Variants in EML6 observed in about 807,000 individuals in gnomAD.
The protein encoded by EML6 is echinoderm microtubule-associated protein-like 6.
Under a neutral mutation model 240.1 loss-of-function variants are expected in EML6, and 154 were observed. That is an observed-to-expected ratio of 0.64 (90% CI 0.56 to 0.73). The LOEUF (loss-of-function observed/expected upper bound fraction) is 0.73, where lower values mean the gene tolerates loss of function less well. EML6 is among the 30% of genes least tolerant of loss of function. EML6 has a pLI of 0.00. For synonymous variants in EML6, 1,148 were observed against 899.0 expected (o/e 1.28, Z -4.95); for missense variants, 2,964 against 2,474.6 (o/e 1.20, Z -4.20).
At position 54,811,413 on chromosome 2, in the gene EML6, T is replaced by C. The variant is rs573239984; in HGVS notation, c.198-1819T>C. On this transcript the variant is annotated intron_variant, in intron 2 of 41. Coordinates refer to ENST00000356458, the MANE Select transcript of EML6 (RefSeq NM_001039753.4). Reference sequence around the variant, plus strand: ...GTGAATCCCCTTTGCACCTTGTCTTTCATATGAACTCGTGTCTTCCCTAAT... The same window carrying C: ...GTGAATCCCCTTTGCACCTTGTCTTCCATATGAACTCGTGTCTTCCCTAAT... Among the ~76,000 whole-genome samples the C allele has an allele frequency of 9.7e-4, 147 of 152,326 alleles. 1 individual carries two copies. In the South Asian group the frequency reaches 0.029, roughly 30 times the overall value.
At chr2:54,945,963 A>G (rs1178074182) in intron 28 of EML6, among the ~76,000 whole-genome samples, 2 of 152,188 alleles carry the variant, frequency 1.3e-5, no homozygotes, top group African/African-American at 2.4e-5. Context: ...CTCTCCCCAC[A>G]GGCACTGAAG....
At chr2:54,961,184 G>GTTGTTTTTTTTTTTTGTTTTTTTTTTTTT in intron 35 of EML6, among the ~76,000 whole-genome samples, 1 of 55,424 alleles carries the variant, frequency 1.8e-5, no homozygotes. Flanking sequence ...TCAGGAAGTA[G>GTTGTTTTTTTTTTTTGTTTTTTTTTTTTT]TTTTTTTTTT....
rs762482915 is a variant in EML6 at position 54,849,972 on chromosome 2, G to C, written c.1198G>C (p.Glu400Gln). 6.4e-7 allele frequency: 1 copy of C among 1,551,042 alleles called. No individual in the cohort carries two copies. The highest frequency in any genetic ancestry group is 1.2e-5 in the South Asian group (1 of 84,028). Residue 400 changes from glutamate (E) to glutamine (Q), a missense_variant, in exon 10 of 42, where the codon GAA becomes CAA. Glu to Gln is a conservative substitution (Grantham distance 29, BLOSUM62 2). Transcript: ENST00000356458. Reference sequence around the variant, plus strand: ...TTTTTATTCTTACAGAGATATGACAGAAGTAGTTCACATCAAAGATCGAAA... The same window carrying C: ...TTTTTATTCTTACAGAGATATGACACAAGTAGTTCACATCAAAGATCGAAA... Reference protein sequence around the residue: ...FIVLRVRDMTEVVHIKDRKEV... With the variant: ...FIVLRVRDMTQVVHIKDRKEV...
At chr2:54,787,295 TG>T (rs11329528) in intron 2 of EML6, among the ~76,000 whole-genome samples, 109,768 of 151,334 alleles carry the variant, frequency 0.73, 40,872 homozygotes, top group African/African-American at 0.91. Context: ...GGGTGAGGGT[TG>T]GGGGGGGGTC....
At chr2:54,860,823 C>T (rs1670634277) in intron 12 of EML6, among the ~76,000 whole-genome samples, 1 of 152,102 alleles carries the variant, frequency 6.6e-6, no homozygotes, top group Non-Finnish European at 1.5e-5. Context: ...CATTTCTCCC[C>T]AGATGGGGTT....
intron 11 of EML6, among the ~76,000 whole-genome samples, chr2:54,858,067 T>C (rs1409145171): frequency 6.6e-6 from 1 of 152,184 alleles, no homozygotes; most frequent in African/African-American, 2.4e-5. Context: ...CTTAGCTGGG[T>C]GATTCTAGTT....
At chr2:54,915,527 C>T (rs1673864281) in intron 25 of EML6, among the ~76,000 whole-genome samples, 1 of 152,124 alleles carries the variant, frequency 6.6e-6, no homozygotes, top group African/African-American at 2.4e-5. Context: ...CACCTTGAGT[C>T]ACCTTGGTCT....
intron 25 of EML6, among the ~76,000 whole-genome samples, chr2:54,914,386 C>A (rs1673798910): frequency 6.6e-6 from 1 of 152,138 alleles, no homozygotes; most frequent in Admixed American, 6.5e-5. Context: ...TGTACTTTCC[C>A]TTCCGGTTTT....
At chr2:54,898,919 C>A (rs10189184) in intron 21 of EML6, among the ~76,000 whole-genome samples, 134,873 of 152,296 alleles carry the variant, frequency 0.89, 59,755 homozygotes, top group Admixed American at 0.9. Context: ...ATACTGCTTT[C>A]TCTTAGTTAT....
chr2:54,932,686 A>G (rs1377236794), intron 28 of EML6, among the ~76,000 whole-genome samples: 1 of 152,228 alleles, frequency 6.6e-6, no homozygotes, highest in Non-Finnish European at 1.5e-5. Flanking sequence ...GCAATTTAAG[A>G]TACAAAATGC....
chr2:54,932,156 A>G (rs1211658039), intron 28 of EML6, among the ~76,000 whole-genome samples: 1 of 152,222 alleles, frequency 6.6e-6, no homozygotes, highest in Non-Finnish European at 1.5e-5. Flanking sequence ...AGTTGGTCTC[A>G]AAAGAATCCT....
intron 6 of EML6, among the ~76,000 whole-genome samples, chr2:54,828,694 A>G (rs1044940269): frequency 6.6e-6 from 1 of 152,220 alleles, no homozygotes; most frequent in Non-Finnish European, 1.5e-5. Context: ...TAGTAACCTA[A>G]TTTCTTTTTA....
At position 54,863,989 on chromosome 2, in the gene EML6, G is replaced by T. The variant is rs1048187852; in HGVS notation, c.1932+100G>T. Reference sequence around the variant, plus strand: ...AAAATGACTGGCACTTAGACAAAGAGAATTGAGGCAAAAACAAGAAAAATA... The same window carrying T: ...AAAATGACTGGCACTTAGACAAAGATAATTGAGGCAAAAACAAGAAAAATA... On this transcript the variant is annotated intron_variant, in intron 13 of 41. Coordinates refer to ENST00000356458, the MANE Select transcript of EML6 (RefSeq NM_001039753.4). The T allele has an allele frequency of 2.5e-5, 16 of 644,916 alleles. No individual in the cohort carries two copies. The East Asian group carries it at 5.0e-4, about 20-fold the overall frequency. The allele number at this position is 644,916 out of a possible 1,614,324, so 39.9% of individuals were successfully genotyped here. A position where few individuals can be genotyped will look rare whatever the true frequency, so the allele number is the denominator to read the frequency against.
intron 2 of EML6, among the ~76,000 whole-genome samples, chr2:54,727,539 T>C (rs1682964363): frequency 6.6e-6 from 1 of 152,264 alleles, no homozygotes; most frequent in Admixed American, 6.5e-5. Context: ...TCCTTATGAA[T>C]TTTAATTCGT....
At position 54,859,715 on chromosome 2, in the gene EML6, T is replaced by C. The variant is rs1670575974; in HGVS notation, c.1825+14T>C. ...CTGCACCCCAAGGTAAACCCAGCAA[T>C]AATTTCTTAACATCATTTTATTTTT... On this transcript the variant is annotated intron_variant, in intron 12 of 41. Coordinates refer to ENST00000356458, the MANE Select transcript of EML6 (RefSeq NM_001039753.4). The C allele has an allele frequency of 6.6e-7, 1 of 1,521,190 alleles. No homozygotes were observed. Among genetic ancestry groups the C allele is most frequent in the South Asian group, 1.3e-5 (1 of 79,196 alleles). 94.2% of individuals were successfully genotyped at this position (1,521,190 alleles called of 1,614,324 possible).
At chr2:54,792,478 T>C (rs73936467) in intron 2 of EML6, among the ~76,000 whole-genome samples, 11,054 of 152,304 alleles carry the variant, frequency 0.073, 582 homozygotes, top group East Asian at 0.31. Context: ...GGAAAACTTA[T>C]TTTCACACAA....
At chr2:54,924,552 TTTA>T (rs1674440969) in intron 26 of EML6, among the ~76,000 whole-genome samples, 3 of 152,118 alleles carry the variant, frequency 2.0e-5, no homozygotes, top group Admixed American at 2.0e-4. Context: ...CTTATTTTTT[TTTA>T]AAAAAATTAT....
intron 7 of EML6, among the ~76,000 whole-genome samples, chr2:54,832,596 G>C (rs1309393627): frequency 6.6e-6 from 1 of 152,198 alleles, no homozygotes; most frequent in Non-Finnish European, 1.5e-5. Context: ...TTCTGGCGTA[G>C]CTCCCCCTTC....
rs564142364 is a variant in EML6, at chr2:54,753,985, A to G, written c.197+28727A>G. ...CCCTGTCTCTACTAAAAATAGAAAA[A>G]TTAGCCGGGTGTGGCAGCCTGCACC... On this transcript the variant is annotated intron_variant, in intron 2 of 41. Transcript: ENST00000356458. Among the ~76,000 whole-genome samples, 11 of 151,912 alleles carry G rather than the reference A, an allele frequency of 7.2e-5. No individual in the cohort carries two copies. The East Asian group carries it at 2.2e-3, about 30-fold the overall frequency.
Sources: gnomAD v4.1 joint callset for allele counts (sites outside exome capture counted in the v4.1 genomes callset) on GRCh38, gnomAD v4.1.1 for gene constraint, MANE v1.5 for transcripts, NCBI Gene and HGNC (gene_info 2026-07-23, HGNC 2026-07-21) for gene names.